The following MKRN2OS variants were observed in gnomAD, a reference collection of about 807,000 sequenced individuals.
The protein encoded by MKRN2OS is MKRN2 opposite strand, also known as MKRN2 opposite strand protein.
A neutral mutation model predicts 18.2 loss-of-function variants in MKRN2OS; 17 were observed. The observed-to-expected ratio is 0.93, with a 90% CI of 0.64 to 1.40. MKRN2OS has a LOEUF of 1.40. MKRN2OS is among the 40% of genes most tolerant of loss of function. MKRN2OS has a pLI of 0.00. For synonymous variants in MKRN2OS, 121 were observed against 108.5 expected, an observed-to-expected ratio of 1.12 and a Z score of -0.72; for missense variants, 337 against 283.0, an observed-to-expected ratio of 1.19 and a Z score of -1.37.
chr3:12,545,713 C>T (rs1314860751), upstream of MKRN2OS, among the ~76,000 whole-genome samples: 3 of 152,198 alleles, frequency 2.0e-5, no homozygotes, highest in African/African-American at 7.2e-5. Context: ...AGCTCCTATT[C>T]ATCCTTTAAA....
chr3:12,559,405 C>A (rs920195542), intron 1 of MKRN2OS, among the ~76,000 whole-genome samples: 2 of 152,134 alleles, frequency 1.3e-5, no homozygotes, highest in African/African-American at 2.4e-5. Context: ...CAGATCTAAG[C>A]AGCGTGTGCG....
chr3:12,551,137 G>A (rs145355184), downstream of MKRN2OS, among the ~76,000 whole-genome samples: 59 of 150,462 alleles, frequency 3.9e-4, no homozygotes, highest in South Asian at 8.4e-4. Context: ...TGCCCTGACA[G>A]CAAGTGGCCA....
At chr3:12,545,146 C>G (rs2057868150) in intron 1 of MKRN2OS, 101 bp downstream of exon 1, 3 of 982,064 alleles carry the variant, frequency 3.1e-6, no homozygotes, top group East Asian at 5.4e-5. Context: ...AAATTGTCCA[C>G]CAAACCTCAC....
rs1054895132 is a variant in MKRN2OS at position 12,545,264 on chromosome 3, A to G, written c.201T>C (p.Thr67=). 6.5e-6 allele frequency: 10 copies of G among 1,535,196 alleles called. No homozygotes were observed. The African/African-American group carries it at 8.2e-5, about 13-fold the overall frequency. ...QEKCSFLLRP[T]QGTFLREYDG... ...CACTGTACCTAAGAAATGTCCCCTG[A>G]GTTGGTCTGAGGAGGAATGAACATT... Residue 67 remains threonine, a synonymous_variant, in exon 1 of 4, where the codon ACT becomes ACC. Transcript: ENST00000564146.
intron 1 of MKRN2OS, among the ~76,000 whole-genome samples, chr3:12,560,592 T>C (rs1194538767): frequency 6.6e-6 from 1 of 152,084 alleles, no homozygotes; most frequent in East Asian, 1.9e-4. Flanking sequence ...AGAAACCAGA[T>C]TGATTGTTTT....
chr3:12,557,235 G>A, intron 1 of MKRN2OS: 1 of 1,515,032 alleles, frequency 6.6e-7, no homozygotes, highest in South Asian at 1.2e-5. Flanking sequence ...GGGGGCCGGT[G>A]CGCGCCAGTG....
intron 1 of MKRN2OS, among the ~76,000 whole-genome samples, chr3:12,544,502 C>G (rs986798762): frequency 6.6e-6 from 1 of 152,032 alleles, no homozygotes; most frequent in South Asian, 2.1e-4. Context: ...ATGGTGAAAC[C>G]CCGTCTCTAC....
chr3:12,557,913 C>T (rs2057995333), intron 1 of MKRN2OS, among the ~76,000 whole-genome samples: 1 of 152,196 alleles, frequency 6.6e-6, no homozygotes, highest in South Asian at 2.1e-4. Flanking sequence ...AGCCAGATAG[C>T]TACACTACGA....
chr3:12,548,780 A>ATAAACATTTTAAACATT (rs1192286400), upstream of MKRN2OS, among the ~76,000 whole-genome samples: 1 of 152,224 alleles, frequency 6.6e-6, no homozygotes, highest in Non-Finnish European at 1.5e-5. Context: ...CCATGCTTTA[A>ATAAACATTTTAAACATT]TAAACATTTT....
intron 1 of MKRN2OS, chr3:12,556,924 A>T: frequency 2.4e-6 from 1 of 411,422 alleles, no homozygotes; most frequent in Non-Finnish European, 4.2e-6. Flanking sequence ...CGGGACACCG[A>T]GAGCAGGGAT....
upstream of MKRN2OS, among the ~76,000 whole-genome samples, chr3:12,548,926 C>T (rs1269336153): frequency 6.6e-6 from 1 of 151,846 alleles, no homozygotes; most frequent in Admixed American, 6.6e-5. Flanking sequence ...TTTTTAAAGG[C>T]ATTTTATTTT....
At chr3:12,550,376 T>C (rs568127818), upstream of MKRN2OS, among the ~76,000 whole-genome samples, 3 of 152,092 alleles carry the variant, frequency 2.0e-5, no homozygotes, top group African/African-American at 7.2e-5. Context: ...TATGAAACTG[T>C]GGAAAAGGCA....
At chr3:12,545,809 C>CTTAT (rs1260466903), upstream of MKRN2OS, among the ~76,000 whole-genome samples, 7 of 152,082 alleles carry the variant, frequency 4.6e-5, no homozygotes, top group Non-Finnish European at 1.0e-4. Context: ...CGTCAGAACT[C>CTTAT]TTATTTATTT....
Position 12,540,091 on chromosome 3 carries a change from C to T in MKRN2OS, c.*102G>A, listed in dbSNP as rs138859433. ...TGAGCCACCATGCCCGGCCCATACA[C>T]GCTTTTATTAACCACAGTTAAATGC... On this transcript the variant is annotated 3_prime_UTR_variant, in exon 4 of 4. Coordinates refer to ENST00000564146, the MANE Select transcript of MKRN2OS (RefSeq NM_001195279.2). 2.7e-4 allele frequency: 404 copies of T among 1,480,538 alleles called. 2 individuals are homozygous for T. In the African/African-American group the frequency reaches 4.8e-3, roughly 18 times the overall value. The allele number at this position is 1,480,538 out of a possible 1,614,324, so 91.7% of individuals were successfully genotyped here.
chr3:12,545,328 A>C lies in MKRN2OS; in HGVS notation c.137T>G (p.Val46Gly). 2 of 1,536,164 alleles carry C rather than the reference A, an allele frequency of 1.3e-6. No individual in the cohort carries two copies. The highest frequency in any genetic ancestry group is 8.7e-7 in the Non-Finnish European group (1 of 1,146,916). Reference protein sequence around the residue: ...LGSRKLEDAPVSIANPFTNGH... With the variant: ...LGSRKLEDAPGSIANPFTNGH... ...ATTAGTAAATGGATTAGCGATGCTA[A>C]CAGGTGCGTCCTCCAGCTTCCTCGA... Residue 46 changes from valine (V) to glycine (G), a missense_variant, in exon 1 of 4, where the codon GTT becomes GGT. Physicochemically the swap from Val to Gly is moderately radical, Grantham distance 109. Coordinates refer to ENST00000564146, the MANE Select transcript of MKRN2OS (RefSeq NM_001195279.2).
At chr3:12,541,800 G>C in intron 3 of MKRN2OS, 60 bp downstream of exon 3, 2 of 1,488,730 alleles carry the variant, frequency 1.3e-6, no homozygotes. Flanking sequence ...AGGCTACACG[G>C]GGATCCCACT....
chr3:12,555,661 G>A (rs554478037), intron 1 of MKRN2OS, among the ~76,000 whole-genome samples: 1 of 152,352 alleles, frequency 6.6e-6, no homozygotes, highest in Non-Finnish European at 1.5e-5. Context: ...AATTTATAGT[G>A]ATAGAGATGA....
chr3:12,542,525 T>C (rs1231325082), intron 2 of MKRN2OS, among the ~76,000 whole-genome samples: 3 of 152,024 alleles, frequency 2.0e-5, no homozygotes, highest in Admixed American at 6.6e-5. Context: ...AAGGCTGTTA[T>C]TAGACTTCAC....
rs2125285027 is a variant in MKRN2OS, at chr3:12,540,227, T to C, written c.638A>G (p.Gln213Arg). 1 of 1,536,146 alleles carries C rather than the reference T, an allele frequency of 6.5e-7. No individual in the cohort carries two copies. Among genetic ancestry groups the C allele is most frequent in the East Asian group, 2.4e-5 (1 of 40,930 alleles). The change falls in exon 4 of 4, where the codon CAG becomes CGG. Residue 213 changes from glutamine (Q) to arginine (R), a missense_variant. By Grantham distance (43) the Gln-to-Arg change is conservative. Transcript: ENST00000564146. ...GFYVTDCPQQ[Q>R]AQPPEGGGLC Reference sequence around the variant, plus strand: ...ACCGCCGCCCTCAGGGGGTTGTGCCTGCTGCTGGGGACAGTCAGTGACGTA... The same window carrying C: ...ACCGCCGCCCTCAGGGGGTTGTGCCCGCTGCTGGGGACAGTCAGTGACGTA...
Sources: gnomAD v4.1 joint callset for allele counts (sites outside exome capture counted in the v4.1 genomes callset) on GRCh38, gnomAD v4.1.1 for gene constraint, MANE v1.5 for transcripts, NCBI Gene and HGNC (gene_info 2026-07-23, HGNC 2026-07-21) for gene names.